The following DDR1 variants were observed in gnomAD, a reference collection of about 807,000 sequenced individuals.
DDR1 encodes epithelial discoidin domain-containing receptor 1.
DDR1 carries 64 observed loss-of-function variants against 97.4 expected under a neutral mutation model. That is an observed-to-expected ratio of 0.66 (90% CI 0.54 to 0.81). The LOEUF (loss-of-function observed/expected upper bound fraction) is 0.81, where lower values mean the gene tolerates loss of function less well. Among genes scored for constraint, DDR1 ranks in the 30% least tolerant of loss-of-function variants. The pLI is 0.00. For synonymous variants in DDR1, 458 were observed against 503.7 expected (o/e 0.91, Z 1.21); for missense variants, 990 against 1,259.6 (o/e 0.79, Z 3.24).
chr6:30,898,886 A>G lies in DDR1; in HGVS notation c.2452-2A>G. The stretch of plus-strand genomic sequence containing the variant: ...GTTTTTGCTGCCTTCTCTGCATCCC[A>G]GGGGAAGTTCACGACTGCGAGTGAC... On this transcript the variant is annotated splice_acceptor_variant, in intron 16 of 17. Transcript: ENST00000376568. LOFTEE classifies it high-confidence loss of function. 1.2e-6 allele frequency: 2 copies of G among 1,604,304 alleles called. No individual in the cohort carries two copies. The highest frequency in any genetic ancestry group is 1.7e-6 in the Non-Finnish European group (2 of 1,172,294).
chr6:30,899,462 G>T lies in DDR1; in HGVS notation c.*166G>T. On this transcript the variant is annotated 3_prime_UTR_variant, in exon 18 of 18. Coordinates refer to ENST00000376568, the MANE Select transcript of DDR1 (RefSeq NM_001297654.2). Reference sequence around the variant, plus strand: ...GGCTGGGCCCACCCAGGGAGCTGATGCCCCTTCTCCCCTTCCTGGACACAC... The same window carrying T: ...GGCTGGGCCCACCCAGGGAGCTGATTCCCCTTCTCCCCTTCCTGGACACAC... The T allele has an allele frequency of 2.5e-6, 2 of 789,272 alleles. No homozygotes were observed. Among genetic ancestry groups the T allele is most frequent in the Non-Finnish European group, 3.9e-6 (2 of 513,208 alleles). The allele number at this position is 789,272 out of a possible 1,614,324, so 48.9% of individuals were successfully genotyped here. A position where few individuals can be genotyped will look rare whatever the true frequency, so the allele number is the denominator to read the frequency against.
At position 30,891,081 on chromosome 6, in the gene DDR1, G is replaced by A. The variant is rs758384854; in HGVS notation, c.526G>A (p.Val176Ile). The A allele has an allele frequency of 1.5e-5, 24 of 1,612,954 alleles. No individual in the cohort carries two copies. The highest frequency in any genetic ancestry group is 1.1e-4 in the African/African-American group (8 of 74,926). The change falls in exon 5 of 18, where the codon GTC (valine) becomes ATC (isoleucine). Residue 176 changes from valine (V) to isoleucine (I), a missense_variant. Transcript: ENST00000376568. This position sits in a 1 kb window ranked among gnomAD's most constrained non-coding sequence, Gnocchi z 5.3. ...CCCCCGGGCTGACCGGGTCATGAGC[G>A]TCTGTCTGCGGGTAGAGCTCTATGG... ...FYPRADRVMS[V>I]CLRVELYGCL...
In DDR1 at chr6:30,897,269, T is replaced by C. The variant is rs932314365; in HGVS notation, c.1998-110T>C. ...TCTGGGAGGGGATTTACATGTACGCTGGGGGTGGGGACGCCTGGTCTGCCT... is the reference window on the plus strand; with the variant it reads ...TCTGGGAGGGGATTTACATGTACGCCGGGGGTGGGGACGCCTGGTCTGCCT... On this transcript the variant is annotated intron_variant, in intron 14 of 17. Coordinates refer to ENST00000376568, the MANE Select transcript of DDR1 (RefSeq NM_001297654.2). The surrounding 1 kb of genome is among the most constrained non-coding windows in gnomAD (Gnocchi z 5.2). 4.5e-6 allele frequency: 4 copies of C among 889,582 alleles called. No individual in the cohort carries two copies. The African/African-American group carries it at 1.4e-4, about 31-fold the overall frequency. 55.1% of individuals were successfully genotyped at this position (889,582 alleles called of 1,614,324 possible).
Position 30,891,193 on chromosome 6 carries a change from C to A in DDR1, c.565+73C>A. ...GAGGGTGGGGAGTGTGGAGAATGGG[C>A]ATCCAGGATCCCTTCTCCTGCTGGG... On this transcript the variant is annotated intron_variant, in intron 5 of 17. Coordinates refer to ENST00000376568, the MANE Select transcript of DDR1 (RefSeq NM_001297654.2). The surrounding 1 kb of genome is among the most constrained non-coding windows in gnomAD (Gnocchi z 5.3). 1 of 1,579,818 alleles carries A rather than the reference C, an allele frequency of 6.3e-7. No homozygotes were observed. The highest frequency in any genetic ancestry group is 8.6e-7 in the Non-Finnish European group (1 of 1,159,312).
rs1447675011 is a variant in DDR1 at position 30,899,952 on chromosome 6, G to T, written c.*656G>T. The T allele has an allele frequency of 1.1e-5, 6 of 557,738 alleles. No individual in the cohort carries two copies. The highest frequency in any genetic ancestry group is 1.1e-4 in the East Asian group (3 of 27,932). 34.5% of individuals were successfully genotyped at this position (557,738 alleles called of 1,614,324 possible). ...TTTCTGTGGAGTAAATATTGGGATT[G>T]GGGGGAAAGAGGGAGCAACGGCCCA... On this transcript the variant is annotated 3_prime_UTR_variant, in exon 18 of 18. Transcript: ENST00000376568.
In DDR1 at chr6:30,891,991, C is replaced by T. The variant is rs749937466; in HGVS notation, c.666-11C>T. ...TTCCAACCTCCTCTTCCTTGGTCCC[C>T]TCTTCTCCAGACTGCAGTATGGGGG... On this transcript the variant is annotated splice_polypyrimidine_tract_variant and intron_variant, in intron 6 of 17. Transcript: ENST00000376568. This position sits in a 1 kb window ranked among gnomAD's most constrained non-coding sequence, Gnocchi z 5.3. The T allele has an allele frequency of 6.2e-6, 10 of 1,613,684 alleles. No individual in the cohort carries two copies. Among genetic ancestry groups the T allele is most frequent in the Non-Finnish European group, 8.5e-6 (10 of 1,179,844 alleles).
At position 30,890,759 on chromosome 6, in the gene DDR1, A is replaced by C. The variant is rs1787790351; in HGVS notation, c.418-214A>C. ...GGGCAGCTGAGCCTGAAGTCTGAGG[A>C]TGGAACATCAGAGCTGCGACAGAGC... On this transcript the variant is annotated intron_variant, in intron 4 of 17. Coordinates refer to ENST00000376568, the MANE Select transcript of DDR1 (RefSeq NM_001297654.2). The surrounding 1 kb of genome is among the most constrained non-coding windows in gnomAD (Gnocchi z 5.0). 4.0e-6 allele frequency: 2 copies of C among 502,934 alleles called. No individual in the cohort carries two copies. Among genetic ancestry groups the C allele is most frequent in the South Asian group, 7.6e-5 (2 of 26,360 alleles). The allele number at this position is 502,934 out of a possible 1,614,324, so 31.2% of individuals were successfully genotyped here.
At position 30,896,753 on chromosome 6, in the gene DDR1, A is replaced by G. The variant is rs1224005622; in HGVS notation, c.1757A>G (p.Tyr586Cys). The G allele has an allele frequency of 1.9e-6, 3 of 1,593,572 alleles. No individual in the cohort carries two copies. Among genetic ancestry groups the G allele is most frequent in the Non-Finnish European group, 1.7e-6 (2 of 1,168,968 alleles). The change falls in exon 13 of 18, where the codon TAT (tyrosine) becomes TGT (cysteine). Residue 586 changes from tyrosine to cysteine, a missense_variant. Physicochemically the swap from Tyr to Cys is radical, Grantham distance 194. Transcript: ENST00000376568. ...CAGGGCGTCACCGGGGGCAACACCT[A>G]TGCTGTGCCTGCACTGCCCCCAGGG... is the stretch of plus-strand genomic sequence containing the variant. ...TLQGVTGGNT[Y>C]AVPALPPGAV...
At chr6:30,896,502 C>T (rs886422) in intron 12 of DDR1, 119 bp from the exon 13 acceptor site, 147,093 of 1,297,078 alleles carry the variant, frequency 0.11, 10,312 homozygotes, top group Non-Finnish European at 0.14. Context: ...ACAGCATAGA[C>T]CCAGTCTCTC....
chr6:30,891,167 G>A lies in DDR1; in HGVS notation c.565+47G>A, dbSNP rs376493867. On this transcript the variant is annotated intron_variant, in intron 5 of 17. Coordinates refer to ENST00000376568, the MANE Select transcript of DDR1 (RefSeq NM_001297654.2). The surrounding 1 kb of genome is among the most constrained non-coding windows in gnomAD (Gnocchi z 5.3). ...GAATCTGTTTCCTGAGCAGGGGACTGGAGGGTGGGGAGTGTGGAGAATGGG... is the reference window on the plus strand; with the variant it reads ...GAATCTGTTTCCTGAGCAGGGGACTAGAGGGTGGGGAGTGTGGAGAATGGG... 67 of 1,607,348 alleles carry A rather than the reference G, an allele frequency of 4.2e-5. No individual in the cohort carries two copies. Among genetic ancestry groups the A allele is most frequent in the Non-Finnish European group, 5.4e-5 (64 of 1,177,970 alleles).
Position 30,898,885 on chromosome 6 carries a change from C to A in DDR1, c.2452-3C>A, listed in dbSNP as rs747764374. On this transcript the variant is annotated splice_polypyrimidine_tract_variant and splice_region_variant and intron_variant, in intron 16 of 17. Coordinates refer to ENST00000376568, the MANE Select transcript of DDR1 (RefSeq NM_001297654.2). The stretch of plus-strand genomic sequence containing the variant: ...TGTTTTTGCTGCCTTCTCTGCATCC[C>A]AGGGGAAGTTCACGACTGCGAGTGA... 8.1e-6 allele frequency: 13 copies of A among 1,603,944 alleles called. No homozygotes were observed. The highest frequency in any genetic ancestry group is 1.1e-5 in the Non-Finnish European group (13 of 1,172,102).
In DDR1 at chr6:30,897,347, G is replaced by T. The variant is rs1175420456; in HGVS notation, c.1998-32G>T. The T allele has an allele frequency of 6.2e-7, 1 of 1,610,656 alleles. No individual in the cohort carries two copies. Among genetic ancestry groups the T allele is most frequent in the Non-Finnish European group, 8.5e-7 (1 of 1,178,430 alleles). On this transcript the variant is annotated intron_variant, in intron 14 of 17. Coordinates refer to ENST00000376568, the MANE Select transcript of DDR1 (RefSeq NM_001297654.2). This position sits in a 1 kb window ranked among gnomAD's most constrained non-coding sequence, Gnocchi z 5.2. Reference sequence around the variant, plus strand: ...GGGGAAGGTGCAGGCCGCCCACTCGGCATTCCTCTTCAGCTTCTCCTTGTT... The same window carrying T: ...GGGGAAGGTGCAGGCCGCCCACTCGTCATTCCTCTTCAGCTTCTCCTTGTT...
At position 30,897,031 on chromosome 6, in the gene DDR1, C is replaced by G. The variant is rs376611147; in HGVS notation, c.1887C>G (p.Val629=). The G allele has an allele frequency of 6.2e-7, 1 of 1,612,704 alleles. No individual in the cohort carries two copies. The highest frequency in any genetic ancestry group is 8.5e-7 in the Non-Finnish European group (1 of 1,179,282). The change falls in exon 14 of 18, where the codon GTC becomes GTG. Residue 629 remains valine, a synonymous_variant. Coordinates refer to ENST00000376568, the MANE Select transcript of DDR1 (RefSeq NM_001297654.2). This position sits in a 1 kb window ranked among gnomAD's most constrained non-coding sequence, Gnocchi z 5.2. ...GQFGEVHLCE[V]DSPQDLVSLD... ...TTCTCCAGGTGCACCTGTGTGAGGT[C>G]GACAGCCCTCAAGATCTGGTTAGTC...
rs781170164 is a variant in DDR1 at position 30,888,345 on chromosome 6, G to A, written c.-42-343G>A. ...GCACACTTGTTGTTTGTTCTAAGCC[G>A]TTGTTTATGGGGATATTTTGCCCAT... On this transcript the variant is annotated intron_variant, in intron 1 of 17. Transcript: ENST00000376568. This position sits in a 1 kb window ranked among gnomAD's most constrained non-coding sequence, Gnocchi z 4.2. 3.5e-5 allele frequency: 9 copies of A among 258,782 alleles called. No homozygotes were observed. Among genetic ancestry groups the A allele is most frequent in the Non-Finnish European group, 5.9e-5 (8 of 136,280 alleles). The allele number at this position is 258,782 out of a possible 1,614,324, so 16.0% of individuals were successfully genotyped here. A position where few individuals can be genotyped will look rare whatever the true frequency, so the allele number is the denominator to read the frequency against.
At position 30,893,293 on chromosome 6, in the gene DDR1, A is replaced by T; in HGVS notation, c.1217A>T (p.Gln406Leu). Reference protein sequence around the residue: ...SSLELEPRGQQPVAKAEGSPT... With the variant: ...SSLELEPRGQLPVAKAEGSPT... ...CCAGAGCTGGAGCCCAGAGGCCAGC[A>T]GCCCGTGGCCAAGGCCGAGGGGAGC... The change falls in exon 10 of 18, where the codon CAG (glutamine) becomes CTG (leucine). Residue 406 changes from glutamine (Q) to leucine (L), a missense_variant. Gln to Leu is a moderately radical substitution (Grantham distance 113, BLOSUM62 -2). Coordinates refer to ENST00000376568, the MANE Select transcript of DDR1 (RefSeq NM_001297654.2). 1.2e-6 allele frequency: 2 copies of T among 1,605,760 alleles called. No individual in the cohort carries two copies. Among genetic ancestry groups the T allele is most frequent in the Non-Finnish European group, 1.7e-6 (2 of 1,179,696 alleles).
rs1047456021 is a variant in DDR1, at chr6:30,889,943, C to T, written c.417+513C>T. ...CCTCCTTCCAAAGCATCAGCAGCCC[C>T]GTCTGTTCTACCTCCATAGTGTTCC... On this transcript the variant is annotated intron_variant, in intron 4 of 17. Coordinates refer to ENST00000376568, the MANE Select transcript of DDR1 (RefSeq NM_001297654.2). The surrounding 1 kb of genome is among the most constrained non-coding windows in gnomAD (Gnocchi z 4.9). Among the ~76,000 whole-genome samples the T allele has an allele frequency of 1.3e-5, 2 of 152,074 alleles. No individual in the cohort carries two copies. Among genetic ancestry groups the T allele is most frequent in the African/African-American group, 4.8e-5 (2 of 41,400 alleles).
chr6:30,896,035 T>C (rs1478700960), intron 12 of DDR1, among the ~76,000 whole-genome samples: 2 of 151,972 alleles, frequency 1.3e-5, no homozygotes, highest in African/African-American at 4.8e-5. Context: ...CTCTGCTTCC[T>C]CTCCTGTCTG....
At chr6:30,896,899 T>C in intron 13 of DDR1, 34 bp downstream of exon 13, 1 of 1,561,422 alleles carries the variant, frequency 6.4e-7, no homozygotes, top group Non-Finnish European at 8.7e-7. Context: ...TCTGGCCCTA[T>C]TGTGTGCTCT....
chr6:30,897,517 C>A lies in DDR1; in HGVS notation c.2136C>A (p.Phe712Leu), dbSNP rs549382721. 11 of 1,614,128 alleles carry A rather than the reference C, an allele frequency of 6.8e-6. 1 individual carries two copies. In the Admixed American group the frequency reaches 1.2e-4, roughly 17 times the overall value. Residue 712 changes from phenylalanine (F) to leucine (L), a missense_variant, in exon 15 of 18, where the codon TTC (phenylalanine) becomes TTA (leucine). Physicochemically the swap from Phe to Leu is conservative, Grantham distance 22. Transcript: ENST00000376568. The surrounding 1 kb of genome is among the most constrained non-coding windows in gnomAD (Gnocchi z 5.2). ...TGGAGAACGGCGACCTCAACCAGTTCCTCAGTGCCCACCAGCTGGAGGACA... is the reference window on the plus strand; with the variant it reads ...TGGAGAACGGCGACCTCAACCAGTTACTCAGTGCCCACCAGCTGGAGGACA... ...DYMENGDLNQ[F>L]LSAHQLEDKA... is the part of the protein sequence containing the mutation.
Sources: allele counts gnomAD v4.1 joint callset (sites outside exome capture counted in the v4.1 genomes callset), GRCh38; gene constraint gnomAD v4.1.1; non-coding constraint Gnocchi (gnomAD v3.1); transcripts MANE v1.5; gene names NCBI Gene and HGNC (gene_info 2026-07-23, HGNC 2026-07-21).